NRXN3: variants seen among roughly 807,000 people sequenced by gnomAD.
NRXN3 encodes the protein neurexin 3.
A neutral mutation model predicts 137.6 loss-of-function variants in NRXN3; 32 were observed. That is an observed-to-expected ratio of 0.23 (90% CI 0.18 to 0.31). The LOEUF is 0.31. NRXN3 is among the 10% of genes least tolerant of loss of function. NRXN3 has a pLI of 1.00. For missense variants in NRXN3, 1,574 were observed against 2,062.5 expected, an observed-to-expected ratio of 0.76 and a Z score of 4.59; for synonymous variants, 798 against 784.5, an observed-to-expected ratio of 1.02 and a Z score of -0.29.
Position 79,508,191 on chromosome 14 carries a change from G to T in NRXN3, c.3444+40789G>T, listed in dbSNP as rs186188779. On this transcript the variant is annotated intron_variant, in intron 16 of 20. Coordinates refer to ENST00000335750, the MANE Select transcript of NRXN3 (RefSeq NM_001330195.2). ...ATACCTCATGCATATGGCTGCCAACGGGAGTTAGTGAAATAATGTACATGA... is the reference window on the plus strand; with the variant it reads ...ATACCTCATGCATATGGCTGCCAACTGGAGTTAGTGAAATAATGTACATGA... Among the ~76,000 whole-genome samples the T allele has an allele frequency of 2.9e-3, 447 of 151,940 alleles. 1 individual carries two copies. The highest frequency in any genetic ancestry group is 0.01 in the African/African-American group (423 of 41,422).
chr14:79,028,222 A>G (rs2099601793), intron 15 of NRXN3, among the ~76,000 whole-genome samples: 1 of 152,172 alleles, frequency 6.6e-6, no homozygotes, highest in Non-Finnish European at 1.5e-5. Flanking sequence ...TGGTGAGCCT[A>G]TCTCTCTTCT....
At chr14:78,178,498 TG>T (rs1456792285) in intron 1 of NRXN3, among the ~76,000 whole-genome samples, 1 of 152,120 alleles carries the variant, frequency 6.6e-6, no homozygotes, top group Non-Finnish European at 1.5e-5. Context: ...TGAGGTGATT[TG>T]GGGTGGTGAT....
intron 15 of NRXN3, among the ~76,000 whole-genome samples, chr14:79,332,736 CTT>C (rs1313997129): frequency 6.6e-6 from 1 of 152,138 alleles, no homozygotes; most frequent in Non-Finnish European, 1.5e-5. Flanking sequence ...ACTGTGAGGT[CTT>C]TGTGAGAATA....
chr14:79,188,920 C>G (rs1018897962), intron 15 of NRXN3, among the ~76,000 whole-genome samples: 4 of 152,156 alleles, frequency 2.6e-5, no homozygotes, highest in Admixed American at 2.0e-4. Context: ...GAAATAGGAA[C>G]ACTTTTACAC....
chr14:79,197,913 T>C (rs2065359776), intron 15 of NRXN3, among the ~76,000 whole-genome samples: 2 of 152,226 alleles, frequency 1.3e-5, no homozygotes, highest in South Asian at 2.1e-4. Flanking sequence ...ACTAAGTTTA[T>C]GTAATATTCT....
intron 19 of NRXN3, among the ~76,000 whole-genome samples, chr14:79,707,867 AT>A (rs2098787331): frequency 6.6e-6 from 1 of 152,216 alleles, no homozygotes. Context: ...GAAAGGAAAA[AT>A]TGAGAAGGAG....
chr14:79,428,921 T>C (rs1173707219), intron 15 of NRXN3, among the ~76,000 whole-genome samples: 3 of 152,222 alleles, frequency 2.0e-5, no homozygotes, highest in Non-Finnish European at 2.9e-5. Context: ...AGAACATTAT[T>C]CTTTGTCAAT....
chr14:79,559,917 C>T (rs910351751), intron 16 of NRXN3, among the ~76,000 whole-genome samples: 7 of 152,020 alleles, frequency 4.6e-5, no homozygotes, highest in South Asian at 4.2e-4. Flanking sequence ...TCCCTGAGGA[C>T]GGGACTAAAA....
intron 15 of NRXN3, among the ~76,000 whole-genome samples, chr14:79,288,544 G>A (rs902343757): frequency 4.6e-5 from 7 of 152,062 alleles, no homozygotes; most frequent in South Asian, 2.1e-4. Context: ...ACTATTTTAC[G>A]ATTAAAAACA....
intron 15 of NRXN3, among the ~76,000 whole-genome samples, chr14:79,060,786 T>C (rs1179518617): frequency 1.3e-5 from 2 of 152,162 alleles, no homozygotes; most frequent in African/African-American, 4.8e-5. Context: ...TTTTTTCTTA[T>C]AACCTCTCTC....
intron 4 of NRXN3, chr14:78,602,428 A>C (rs1223579381): frequency 6.6e-6 from 1 of 152,064 alleles, no homozygotes; most frequent in African/African-American, 2.4e-5. Context: ...AGGGCACCTG[A>C]CGTCCTTCCT....
In NRXN3 at chr14:78,772,755, A is replaced by G. The variant is rs146552601; in HGVS notation, c.2045-30865A>G. On this transcript the variant is annotated intron_variant, in intron 8 of 20. Coordinates refer to ENST00000335750, the MANE Select transcript of NRXN3 (RefSeq NM_001330195.2). ...GAATTCCAGTGCTGCTAGTCAGTGA[A>G]CCACATGTTGAGTTGTAAAAGTTCT... 2.5e-3 allele frequency among the ~76,000 whole-genome samples: 381 copies of G among 152,286 alleles called. 2 individuals carry two copies. Among genetic ancestry groups the G allele is most frequent in the African/African-American group, 7.7e-3 (322 of 41,558 alleles).
At chr14:79,752,888 C>A (rs1335531188) in intron 19 of NRXN3, among the ~76,000 whole-genome samples, 1 of 152,124 alleles carries the variant, frequency 6.6e-6, no homozygotes, top group South Asian at 2.1e-4. Context: ...AAACAAACAA[C>A]CCCATGGAAA....
intron 16 of NRXN3, among the ~76,000 whole-genome samples, chr14:79,526,749 T>C (rs972017125): frequency 6.6e-6 from 1 of 152,106 alleles, no homozygotes; most frequent in African/African-American, 2.4e-5. Context: ...TATGTAACAA[T>C]GTACAGCTAG....
chr14:78,724,895 G>GGTCC (rs2098476151), intron 8 of NRXN3, among the ~76,000 whole-genome samples: 1 of 152,184 alleles, frequency 6.6e-6, no homozygotes, highest in Non-Finnish European at 1.5e-5. Flanking sequence ...AGTACATCTG[G>GGTCC]AACTTGAGGC....
intron 16 of NRXN3, among the ~76,000 whole-genome samples, chr14:79,637,367 A>T (rs1253073368): frequency 1.3e-5 from 2 of 152,182 alleles, no homozygotes; most frequent in African/African-American, 4.8e-5. Context: ...TACTACACCC[A>T]GGAATGGAAG....
intron 4 of NRXN3, among the ~76,000 whole-genome samples, chr14:78,477,435 T>C (rs897697781): frequency 6.6e-6 from 1 of 152,236 alleles, no homozygotes; most frequent in South Asian, 2.1e-4. Context: ...TTTGAGTGTA[T>C]TGTATATTTA....
chr14:78,375,177 C>T (rs908759882), intron 4 of NRXN3, among the ~76,000 whole-genome samples: 1 of 152,178 alleles, frequency 6.6e-6, no homozygotes, highest in African/African-American at 2.4e-5. Context: ...AGCTTAACCA[C>T]CTTCAGTGAT....
At chr14:78,380,271 G>A (rs1308885385) in intron 4 of NRXN3, among the ~76,000 whole-genome samples, 1 of 126,690 alleles carries the variant, frequency 7.9e-6, no homozygotes, top group Non-Finnish European at 1.5e-5. Context: ...ACTGCAGTCC[G>A]CAGTCCGGCC....
Sources: gnomAD v4.1 joint callset for allele counts (sites outside exome capture counted in the v4.1 genomes callset) on GRCh38, gnomAD v4.1.1 for gene constraint, MANE v1.5 for transcripts, NCBI Gene and HGNC (gene_info 2026-07-23, HGNC 2026-07-21) for gene names.